ATP1A4: variants seen among roughly 807,000 people sequenced by gnomAD.
ATP1A4 encodes the protein sodium/potassium-transporting ATPase subunit alpha-4.
Under a neutral mutation model 114.3 loss-of-function variants are expected in ATP1A4, and 90 were observed. The ratio of observed to expected loss-of-function variants is 0.79; its 90% CI spans 0.66 to 0.94. The LOEUF (loss-of-function observed/expected upper bound fraction) is 0.94. Ranked by LOEUF, ATP1A4 falls within the 40% of genes least tolerant of loss-of-function variation. The probability of loss-of-function intolerance (pLI) is 0.00; values close to 1 mark genes in which losing one functional copy is unlikely to be tolerated. For missense variants in ATP1A4, 1,222 were observed against 1,313.6 expected, an observed-to-expected ratio of 0.93 and a Z score of 1.08; for synonymous variants, 511 against 494.1, an observed-to-expected ratio of 1.03 and a Z score of -0.45.
At position 160,152,171 on chromosome 1, in the gene ATP1A4, A is replaced by G. The variant is rs1209322858; in HGVS notation, c.131A>G (p.Lys44Arg). 1 of 1,613,720 alleles carries G rather than the reference A, an allele frequency of 6.2e-7. No individual in the cohort carries two copies. Among genetic ancestry groups the G allele is most frequent in the African/African-American group, 1.3e-5 (1 of 74,904 alleles). ...CAGAAGCGCAATATGGAGGAACTGA[A>G]GAAGGAAGTGGTCATGGTGAGGCCA... ...EKQKRNMEEL[K>R]KEVVMDDHKL... Residue 44 changes from lysine (K) to arginine (R), a missense_variant, in exon 1 of 22, where the codon AAG (lysine) becomes AGG (arginine). Transcript: ENST00000368081.
At chr1:160,164,474 G>C (rs747057750) in intron 7 of ATP1A4, 50 bp downstream of exon 7, 5 of 1,594,746 alleles carry the variant, frequency 3.1e-6, no homozygotes, top group Non-Finnish European at 4.3e-6. Context: ...ACCACCCCAG[G>C]GAAAAGGGAT....
At chr1:160,152,300 C>T (rs1652486625) in intron 1 of ATP1A4, 113 bp downstream of exon 1, 2 of 1,193,718 alleles carry the variant, frequency 1.7e-6, no homozygotes, top group Non-Finnish European at 2.3e-6. Context: ...CATCTCTTCT[C>T]TGTTAGGCTT....
intron 17 of ATP1A4, among the ~76,000 whole-genome samples, chr1:160,177,105 G>A (rs1353130098): frequency 6.6e-6 from 1 of 152,194 alleles, no homozygotes; most frequent in Non-Finnish European, 1.5e-5. Context: ...TTGTGTTGGG[G>A]TCAGCCTTGA....
chr1:160,152,209 G>A (rs372349795), intron 1 of ATP1A4, 22 bp downstream of exon 1: 21 of 1,608,930 alleles, frequency 1.3e-5, no homozygotes, highest in African/African-American at 2.7e-5. Flanking sequence ...CAAAGTGGGC[G>A]CTGACAGCTG....
Position 160,177,626 on chromosome 1 carries a change from TA to T in ATP1A4, c.2699del (p.Tyr900SerfsTer2). ...LGIRLHWEDK[Y>X]LNDLEDSYGQ... is the part of the protein sequence containing the mutation. ...CATCCGCCTCCACTGGGAAGATAAA[TA>T]CTTGAATGACCTGGAGGACAGCTAC... is the stretch of plus-strand genomic sequence containing the variant. On this transcript the variant is annotated frameshift_variant, in exon 18 of 22. Transcript: ENST00000368081. LOFTEE classifies it high-confidence loss of function. 6.2e-7 allele frequency: 1 copy of T among 1,614,130 alleles called. No homozygotes were observed. The highest frequency in any genetic ancestry group is 1.1e-5 in the South Asian group (1 of 91,068).
At chr1:160,176,373 C>A in intron 16 of ATP1A4, 106 bp from the exon 17 acceptor site, 4 of 1,588,348 alleles carry the variant, frequency 2.5e-6, no homozygotes, top group East Asian at 2.2e-5. Flanking sequence ...GCACCTCCTG[C>A]AAGATGGATT....
At chr1:160,159,252 G>T in intron 5 of ATP1A4, 116 bp downstream of exon 5, 3 of 1,455,162 alleles carry the variant, frequency 2.1e-6, no homozygotes, top group Non-Finnish European at 9.3e-7. Context: ...GAAGTTACAA[G>T]TGCAGATTTG....
chr1:160,171,182 C>T (rs775801254), intron 10 of ATP1A4, 69 bp from the exon 11 acceptor site: 12 of 1,399,646 alleles, frequency 8.6e-6, no homozygotes, highest in South Asian at 1.4e-5. Flanking sequence ...TTGAAACCTT[C>T]CCCTTCTTTT....
chr1:160,151,746 T>G lies in ATP1A4; in HGVS notation c.-295T>G. ...TCACTGCATTCCCTCACCTCTACCT[T>G]TTTATCCTTCCACCCTAGGCTTCTC... On this transcript the variant is annotated 5_prime_UTR_variant, in exon 1 of 22. Transcript: ENST00000368081. 1 of 301,144 alleles carries G rather than the reference T, an allele frequency of 3.3e-6. No individual in the cohort carries two copies. The highest frequency in any genetic ancestry group is 5.4e-5 in the East Asian group (1 of 18,388). The allele number at this position is 301,144 out of a possible 1,614,324, so 18.7% of individuals were successfully genotyped here. A position where few individuals can be genotyped will look rare whatever the true frequency, so the allele number is the denominator to read the frequency against.
intron 12 of ATP1A4, among the ~76,000 whole-genome samples, chr1:160,172,927 A>G (rs1433143203): frequency 3.3e-5 from 5 of 152,218 alleles, no homozygotes; most frequent in Admixed American, 1.3e-4. Flanking sequence ...AGGGCAGGAA[A>G]CTTTACAAGG....
chr1:160,167,731 G>C (rs912599812), intron 10 of ATP1A4, among the ~76,000 whole-genome samples: 1 of 152,232 alleles, frequency 6.6e-6, no homozygotes, highest in Non-Finnish European at 1.5e-5. Flanking sequence ...AGTCATGTTA[G>C]AGTCACATGC....
intron 13 of ATP1A4, 139 bp from the exon 14 acceptor site, chr1:160,173,971 TG>T: frequency 1.8e-6 from 2 of 1,134,038 alleles, no homozygotes; most frequent in Non-Finnish European, 2.5e-6. Context: ...TGTGTCAATT[TG>T]GGGACAATAT....
In ATP1A4 at chr1:160,171,399, AT is replaced by A; in HGVS notation, c.1641del (p.Asn547LysfsTer4). The A allele has an allele frequency of 6.2e-7, 1 of 1,614,200 alleles. No homozygotes were observed. The highest frequency in any genetic ancestry group is 8.5e-7 in the Non-Finnish European group (1 of 1,180,038). On this transcript the variant is annotated frameshift_variant, in exon 11 of 22. Transcript: ENST00000368081. LOFTEE classifies it high-confidence loss of function. ...MNDEMKEAFQ[N>X]AYLELGGLGE... ...GATGAAATGAAGGAAGCCTTCCAAA[AT>A]GCCTACTTAGAACTGGGAGGTCTGG...
At chr1:160,178,105 C>T (rs1415706373) in intron 18 of ATP1A4, among the ~76,000 whole-genome samples, 3 of 152,112 alleles carry the variant, frequency 2.0e-5, no homozygotes, top group African/African-American at 7.2e-5. Context: ...GCCTGTAATC[C>T]CAGCACTTTG....
Position 160,163,589 on chromosome 1 carries a change from G to A in ATP1A4, c.779-567G>A, listed in dbSNP as rs942817964. Among the ~76,000 whole-genome samples, 180 of 152,346 alleles carry A rather than the reference G, an allele frequency of 1.2e-3. 2 individuals carry two copies. Among genetic ancestry groups the A allele is most frequent in the Non-Finnish European group, 4.6e-4 (31 of 68,028 alleles). On this transcript the variant is annotated intron_variant, in intron 6 of 21. Transcript: ENST00000368081. ...GGACAAGGCACGTGGGAAGGAGCAT[G>A]GAGGAGCGTCTGTGCCCTCTCCTGT...
At chr1:160,162,455 G>C (rs574827913) in intron 6 of ATP1A4, among the ~76,000 whole-genome samples, 62 of 152,260 alleles carry the variant, frequency 4.1e-4, no homozygotes, top group Admixed American at 1.3e-3. Context: ...GTTATGGCCC[G>C]TGCTACCCAG....
intron 20 of ATP1A4, among the ~76,000 whole-genome samples, 188 bp from the exon 21 acceptor site, chr1:160,186,086 CAA>C (rs527303426): frequency 1.5e-3 from 49 of 32,782 alleles, no homozygotes; most frequent in East Asian, 3.8e-3. Flanking sequence ...GACTCTGTCG[CAA>C]AAAAAAAAAA....
At chr1:160,161,345 T>C (rs1444448702) in intron 6 of ATP1A4, among the ~76,000 whole-genome samples, 1 of 152,224 alleles carries the variant, frequency 6.6e-6, no homozygotes, top group Non-Finnish European at 1.5e-5. Flanking sequence ...CACAGACTTC[T>C]CTTTGGGTTC....
chr1:160,161,142 G>A (rs553325426), intron 6 of ATP1A4, among the ~76,000 whole-genome samples: 2 of 152,302 alleles, frequency 1.3e-5, no homozygotes, highest in South Asian at 2.1e-4. Context: ...GGAGCTGGGC[G>A]GAAGGACTTT....
Sources: allele counts gnomAD v4.1 joint callset (sites outside exome capture counted in the v4.1 genomes callset), GRCh38; gene constraint gnomAD v4.1.1; transcripts MANE v1.5; gene names NCBI Gene and HGNC (gene_info 2026-07-23, HGNC 2026-07-21).